ANK2: variants seen among roughly 807,000 people sequenced by gnomAD.
The protein encoded by ANK2 is ankyrin 2.
ANK2 carries 83 observed loss-of-function variants against 360.5 expected under a neutral mutation model. That is an observed-to-expected ratio of 0.23 (90% CI 0.19 to 0.28). The LOEUF (loss-of-function observed/expected upper bound fraction) is 0.28. Among genes scored for constraint, ANK2 ranks in the 10% least tolerant of loss-of-function variants. The pLI is 1.00. For synonymous variants in ANK2, 1,740 were observed against 1,759.5 expected, an observed-to-expected ratio of 0.99 and a Z score of 0.28; for missense variants, 4,201 against 4,795.7, an observed-to-expected ratio of 0.88 and a Z score of 3.66.
Position 113,242,918 on chromosome 4 carries a change from T to C in ANK2, c.891+709T>C, listed in dbSNP as rs2153576662. On this transcript the variant is annotated intron_variant, in intron 9 of 45. Coordinates refer to ENST00000357077, the MANE Select transcript of ANK2 (RefSeq NM_001148.6). The stretch of plus-strand genomic sequence containing the variant: ...AATAAGTTGTATTATATTGGCAGTT[T>C]ACTTACCTTCTCTGAACTTAGGCTA... 1.3e-5 allele frequency among the ~76,000 whole-genome samples: 2 copies of C among 152,348 alleles called. 1 individual carries two copies. The highest frequency in any genetic ancestry group is 4.1e-4 in the South Asian group (2 of 4,832).
intron 1 of ANK2, among the ~76,000 whole-genome samples, chr4:113,139,513 G>T (rs1000894131): frequency 8.5e-5 from 13 of 152,144 alleles, no homozygotes; most frequent in Non-Finnish European, 1.9e-4. Flanking sequence ...TCATCAGTTT[G>T]GGGGGATTCT....
chr4:112,946,249 A>C (rs948704208), intron 2 of ANK2, among the ~76,000 whole-genome samples: 3 of 152,110 alleles, frequency 2.0e-5, no homozygotes, highest in Non-Finnish European at 4.4e-5. Flanking sequence ...GCCCATGTCA[A>C]CAGAGTCTGC....
At chr4:112,796,188 G>C in the ANK2 span, among the ~76,000 whole-genome samples, 2 of 152,040 alleles carry the variant, frequency 1.3e-5, no homozygotes, top group African/African-American at 2.4e-5. Flanking sequence ...ACTTTGGGAG[G>C]CTAGGTGGGC....
intron 41 of ANK2, 24 bp downstream of exon 41, chr4:113,365,206 T>A (rs2096466476): frequency 1.7e-5 from 20 of 1,181,726 alleles, no homozygotes; most frequent in Non-Finnish European, 2.2e-5. Flanking sequence ...TGTGTATGTG[T>A]GTGTGTGTGT....
intron 1 of ANK2, among the ~76,000 whole-genome samples, chr4:112,840,457 C>T (rs1173701841): frequency 2.0e-5 from 3 of 152,098 alleles, no homozygotes; most frequent in South Asian, 4.2e-4. Context: ...AAATTCTGTC[C>T]TCCAGAAAAT....
the ANK2 span, among the ~76,000 whole-genome samples, chr4:112,727,305 C>T: frequency 6.6e-6 from 1 of 151,910 alleles, no homozygotes; most frequent in Non-Finnish European, 1.5e-5. Context: ...AATAATATCA[C>T]AGATTATGGT....
In ANK2 at chr4:113,356,520, G is replaced by A. The variant is rs150878494; in HGVS notation, c.7902G>A (p.Val2634=). ...SDPDADCSVD[V]DEPKHTGSGE... is the part of the protein sequence containing the mutation. ...CAGATGCTGACTGTTCAGTAGATGT[G>A]GATGAACCAAAACATACAGGCAGTG... The change falls in exon 38 of 46, where the codon GTG becomes GTA. Residue 2634 remains valine (V), a synonymous_variant. Coordinates refer to ENST00000357077, the MANE Select transcript of ANK2 (RefSeq NM_001148.6). The A allele has an allele frequency of 1.7e-3, 2,773 of 1,614,124 alleles. 6 individuals carry two copies. Among genetic ancestry groups the A allele is most frequent in the Admixed American group, 2.1e-3 (128 of 60,010 alleles).
At chr4:112,964,719 G>A (rs1446617058) in intron 2 of ANK2, among the ~76,000 whole-genome samples, 4 of 151,816 alleles carry the variant, frequency 2.6e-5, no homozygotes, top group South Asian at 4.2e-4. Flanking sequence ...ACAGGCGCCC[G>A]CCACCACGCC....
intron 1 of ANK2, chr4:112,880,846 T>G (rs998233448): frequency 6.6e-6 from 1 of 152,232 alleles, no homozygotes; most frequent in Non-Finnish European, 1.5e-5. Context: ...CTCTTTCACC[T>G]TCACTTGGAG....
rs141719465 is a variant in ANK2 at position 113,162,585 on chromosome 4, A to G, written c.85-11831A>G. On this transcript the variant is annotated intron_variant, in intron 1 of 45. Transcript: ENST00000357077. ...AGCAGGAACCTTTATCAAACACTAT[A>G]TTGCAATCTCTATTCTAAATGTAAA... Among the ~76,000 whole-genome samples, 1,328 of 152,278 alleles carry G rather than the reference A, an allele frequency of 8.7e-3. 7 individuals carry two copies. The highest frequency in any genetic ancestry group is 0.013 in the Non-Finnish European group (882 of 68,006).
chr4:113,351,336 T>C (rs1041783265), intron 37 of ANK2, among the ~76,000 whole-genome samples: 1 of 152,164 alleles, frequency 6.6e-6, no homozygotes, highest in Non-Finnish European at 1.5e-5. Context: ...AATTTACTAC[T>C]AAGTTATGGA....
At chr4:113,168,368 T>A (rs1408249862) in intron 1 of ANK2, among the ~76,000 whole-genome samples, 4 of 152,238 alleles carry the variant, frequency 2.6e-5, no homozygotes, top group Admixed American at 6.5e-5. Context: ...CACTTAAGTT[T>A]ACTCTTTCTT....
intron 26 of ANK2, among the ~76,000 whole-genome samples, chr4:113,322,573 T>A (rs969964100): frequency 2.6e-5 from 4 of 152,226 alleles, no homozygotes; most frequent in Non-Finnish European, 5.9e-5. Flanking sequence ...ATTAAAGGTC[T>A]TTAGTTTTTG....
At chr4:113,317,871 C>A in intron 25 of ANK2, 62 bp downstream of exon 25, 1 of 1,363,620 alleles carries the variant, frequency 7.3e-7, no homozygotes, top group Non-Finnish European at 1.0e-6. Context: ...TTATTGGATG[C>A]TAGAAATGTC....
chr4:112,771,314 C>T, the ANK2 span, among the ~76,000 whole-genome samples: 12 of 150,850 alleles, frequency 8.0e-5, no homozygotes, highest in African/African-American at 2.4e-4. Context: ...GATGGGGTTT[C>T]TCCATGTTAG....
At chr4:113,338,386 T>G (rs1214820816) in intron 31 of ANK2, among the ~76,000 whole-genome samples, 2 of 152,158 alleles carry the variant, frequency 1.3e-5, no homozygotes, top group Non-Finnish European at 2.9e-5. Flanking sequence ...CCTTTGATAT[T>G]CATTTATTTT....
At chr4:113,185,834 T>C (rs1353509852) in intron 2 of ANK2, among the ~76,000 whole-genome samples, 2 of 152,222 alleles carry the variant, frequency 1.3e-5, no homozygotes, top group African/African-American at 4.8e-5. Flanking sequence ...AGGGTTCTTA[T>C]GGTTTTAGGT....
At position 113,373,148 on chromosome 4, in the gene ANK2, A is replaced by G. The variant is rs753477930; in HGVS notation, c.11669A>G (p.Glu3890Gly). 6.2e-7 allele frequency: 1 copy of G among 1,614,142 alleles called. No individual in the cohort carries two copies. Among genetic ancestry groups the G allele is most frequent in the Admixed American group, 1.7e-5 (1 of 60,028 alleles). Residue 3890 changes from glutamate to glycine, a missense_variant, in exon 44 of 46, where the codon GAG becomes GGG. By Grantham distance (98) the Glu-to-Gly change is moderately conservative. Around this residue, in one of 4 missense-constraint regions of ANK2, gnomAD observed 2,642 missense variants for 2,714.5 expected, o/e 0.97. Transcript: ENST00000357077. ...ETVTEEEYIDEHGHTVVKKVT... is the reference protein window; with the variant it reads ...ETVTEEEYIDGHGHTVVKKVT... ...GTCACAGAAGAAGAATACATTGATG[A>G]GCATGGACACACCGTGGTAAAGAAG... is the stretch of plus-strand genomic sequence containing the variant.
At chr4:113,206,253 C>A (rs1298938858) in intron 4 of ANK2, among the ~76,000 whole-genome samples, 1 of 152,088 alleles carries the variant, frequency 6.6e-6, no homozygotes, top group Non-Finnish European at 1.5e-5. Context: ...CTCCCCCTGC[C>A]CCCTGACAGG....
Sources: allele counts gnomAD v4.1 joint callset (sites outside exome capture counted in the v4.1 genomes callset), GRCh38; gene constraint gnomAD v4.1.1; regional missense constraint gnomAD v4.1.1; transcripts MANE v1.5; gene names NCBI Gene and HGNC (gene_info 2026-07-23, HGNC 2026-07-21).